Variants in NEB observed in about 807,000 individuals in gnomAD.
The protein encoded by NEB is nebulin.
Under a neutral mutation model 952.2 loss-of-function variants are expected in NEB, and 512 were observed. The ratio of observed to expected loss-of-function variants is 0.54; its 90% CI spans 0.50 to 0.58. The LOEUF is 0.58. Ranked by LOEUF, NEB falls within the 20% of genes least tolerant of loss-of-function variation. The pLI, the probability that NEB is intolerant of heterozygous loss-of-function variation, is 0.00. For synonymous variants in NEB, 2,900 were observed against 3,149.8 expected, an observed-to-expected ratio of 0.92 and a Z score of 2.66; for missense variants, 8,428 against 9,231.1, an observed-to-expected ratio of 0.91 and a Z score of 3.56.
chr2:151,496,207 G>T, intron 173 of NEB, 69 bp downstream of exon 173: 1 of 1,399,708 alleles, frequency 7.1e-7, no homozygotes, highest in Non-Finnish European at 9.9e-7. Context: ...GGATTAATAT[G>T]TATTATTTTA....
intron 142 of NEB, among the ~76,000 whole-genome samples, chr2:151,535,199 A>G (rs1043588313): frequency 2.0e-5 from 3 of 152,238 alleles, no homozygotes; most frequent in South Asian, 2.1e-4. Context: ...TCTGTGCACC[A>G]ATATATGTGG....
At position 151,672,502 on chromosome 2, in the gene NEB, C is replaced by T. The variant is rs534646949; in HGVS notation, c.4166G>A (p.Ser1389Asn). The part of the protein sequence containing the change: ...TSYHTPGDMV[S>N]ITAAKMAQDV... The stretch of plus-strand genomic sequence containing the variant: ...CTGGGCCATCTTTGCAGCTGTGATG[C>T]TAACCATGTCCCCAGGGGTATGGTA... Residue 1389 changes from serine (S) to asparagine (N), a missense_variant, in exon 37 of 182, where the codon AGC becomes AAC. Ser to Asn is a conservative substitution (Grantham distance 46, BLOSUM62 1). Around this residue, in one of 11 missense-constraint regions of NEB, gnomAD observed 2,851 missense variants for 2,791.5 expected, o/e 1.02. Coordinates refer to ENST00000397345, the MANE Select transcript of NEB (RefSeq NM_001164508.2). The T allele has an allele frequency of 3.7e-5, 59 of 1,614,012 alleles. 1 individual carries two copies. The South Asian group carries it at 5.9e-4, about 16-fold the overall frequency.
At chr2:151,690,939 G>A (rs1390943537) in intron 23 of NEB, 114 bp from the exon 24 acceptor site, 1 of 737,510 alleles carries the variant, frequency 1.4e-6, no homozygotes, top group Non-Finnish European at 2.4e-6. Context: ...TGAAAACTTA[G>A]TTGATGCGTT....
At chr2:151,566,317 G>A (rs557685210) in intron 114 of NEB, among the ~76,000 whole-genome samples, 26 of 152,268 alleles carry the variant, frequency 1.7e-4, no homozygotes, top group Middle Eastern at 3.4e-3. Flanking sequence ...TTGCCCTTAC[G>A]CCTTCAAGAA....
At chr2:151,649,426 C>T (rs1324021870) in intron 54 of NEB, among the ~76,000 whole-genome samples, 1 of 152,108 alleles carries the variant, frequency 6.6e-6, no homozygotes, top group South Asian at 2.1e-4. Flanking sequence ...TTCAGATCCT[C>T]CTAAGACCTA....
Position 151,706,892 on chromosome 2 carries a change from C to T in NEB, c.1141G>A (p.Ala381Thr). 1 of 1,600,456 alleles carries T rather than the reference C, an allele frequency of 6.2e-7. No individual in the cohort carries two copies. Residue 381 changes from alanine to threonine, a missense_variant, in exon 13 of 182, where the codon GCC (alanine) becomes ACC (threonine). Ala to Thr is a moderately conservative substitution (Grantham distance 58). Around this residue, in one of 11 missense-constraint regions of NEB, gnomAD observed 2,851 missense variants for 2,791.5 expected, o/e 1.02. Transcript: ENST00000397345. Reference sequence around the variant, plus strand: ...AAAAATATACTTACGTCACTTAGGGCATCTCCTGCTGCCTTCAGCTGCCTA... The same window carrying T: ...AAAAATATACTTACGTCACTTAGGGTATCTCCTGCTGCCTTCAGCTGCCTA... ...QLRQLKAAGD[A>T]LSDKLYKENY... is the part of the protein sequence containing the mutation.
chr2:151,495,630 C>CAGT (rs746606383), intron 173 of NEB, among the ~76,000 whole-genome samples: 34 of 152,060 alleles, frequency 2.2e-4, no homozygotes, highest in Admixed American at 3.9e-4. Flanking sequence ...AAATGGTTTA[C>CAGT]TAAAGTTTGC....
At chr2:151,696,600 T>G in intron 17 of NEB, 37 bp downstream of exon 17, 1 of 1,469,514 alleles carries the variant, frequency 6.8e-7, no homozygotes. Flanking sequence ...ATGTTATCCC[T>G]CATAATTGGG....
At chr2:151,548,798 T>C (rs897032933) in intron 130 of NEB, among the ~76,000 whole-genome samples, 1 of 152,208 alleles carries the variant, frequency 6.6e-6, no homozygotes, top group Non-Finnish European at 1.5e-5. Context: ...ACCAACCATT[T>C]TAACACATCC....
chr2:151,541,457 A>C lies in NEB; in HGVS notation c.20672T>G (p.Leu6891Arg). 6.2e-7 allele frequency: 1 copy of C among 1,611,982 alleles called. No homozygotes were observed. The highest frequency in any genetic ancestry group is 8.5e-7 in the Non-Finnish European group (1 of 1,178,788). Residue 6891 changes from leucine to arginine, a missense_variant, in exon 136 of 182, where the codon CTT (leucine) becomes CGT (arginine). By Grantham distance (102) the Leu-to-Arg change is moderately radical (BLOSUM62 -2). Around this residue, in one of 11 missense-constraint regions of NEB, gnomAD observed 3,374 missense variants for 3,651.5 expected, o/e 0.92. Transcript: ENST00000397345. ...DLLRAKRGQK[L>R]QSQYLYVELA... Reference sequence around the variant, plus strand: ...AACCTCTGAGCTTACCTGACTCTGAAGCTTCTGCCCTCGCTTGGCTCTTAA... The same window carrying C: ...AACCTCTGAGCTTACCTGACTCTGACGCTTCTGCCCTCGCTTGGCTCTTAA...
In NEB at chr2:151,547,680, G is replaced by T. The variant is rs1187325533; in HGVS notation, c.20216C>A (p.Thr6739Asn). Residue 6739 changes from threonine to asparagine, a missense_variant, in exon 132 of 182, where the codon ACC becomes AAC. Coordinates refer to ENST00000397345, the MANE Select transcript of NEB (RefSeq NM_001164508.2). ...CTTCTTGACTTGGCGGATCTCAGGG[G>T]TATCGGGAGTTGTATGGATCTTGTC... ...LKDKIHTTPD[T>N]PEIRQVKKTQ... 2 of 1,613,740 alleles carry T rather than the reference G, an allele frequency of 1.2e-6. No homozygotes were observed. Among genetic ancestry groups the T allele is most frequent in the Admixed American group, 1.7e-5 (1 of 60,010 alleles).
At chr2:151,692,726 T>C (rs1660430841) in intron 20 of NEB, among the ~76,000 whole-genome samples, 1 of 152,186 alleles carries the variant, frequency 6.6e-6, no homozygotes, top group African/African-American at 2.4e-5. Context: ...TCACAGCACT[T>C]TGGGAAGCCA....
intron 3 of NEB, among the ~76,000 whole-genome samples, chr2:151,731,265 C>T (rs1017977870): frequency 1.3e-5 from 2 of 152,176 alleles, no homozygotes; most frequent in African/African-American, 4.8e-5. Flanking sequence ...TTGGCATTAA[C>T]TTGTATGCCA....
chr2:151,610,706 T>A, intron 79 of NEB, 56 bp downstream of exon 79: 1 of 1,581,272 alleles, frequency 6.3e-7, no homozygotes, highest in South Asian at 1.1e-5. Context: ...ATTGTTACGG[T>A]GGAAAAAGCA....
At chr2:151,581,695 A>C in intron 102 of NEB, 108 bp from the exon 103 acceptor site, 1 of 1,309,744 alleles carries the variant, frequency 7.6e-7, no homozygotes, top group Non-Finnish European at 1.0e-6. Context: ...GATGATGAAA[A>C]AAATTTTAAG....
At chr2:151,576,536 T>A (rs1431619087) in intron 105 of NEB, among the ~76,000 whole-genome samples, 182 bp from the exon 106 acceptor site, 85 of 87,170 alleles carry the variant, frequency 9.8e-4, no homozygotes, top group Non-Finnish European at 1.7e-3. Context: ...TTTTTTTTTT[T>A]TTTTTTTTTT....
chr2:151,489,876 G>T, intron 181 of NEB, 95 bp downstream of exon 181: 2 of 853,570 alleles, frequency 2.3e-6, no homozygotes, highest in East Asian at 2.6e-5. Context: ...TAGAAGGTTT[G>T]GTTAAAAAAA....
chr2:151,633,100 T>C (rs1442337607), intron 65 of NEB, among the ~76,000 whole-genome samples: 1 of 152,224 alleles, frequency 6.6e-6, no homozygotes, highest in Non-Finnish European at 1.5e-5. Context: ...GTGCAGGAAA[T>C]GTGCCTCTCA....
chr2:151,562,010 A>C (rs2096095754), intron 121 of NEB, 100 bp downstream of exon 121: 2 of 888,912 alleles, frequency 2.2e-6, no homozygotes, highest in South Asian at 2.9e-5. Context: ...TAGAGCCTAC[A>C]CTGTTACAGC....
Sources: gnomAD v4.1 joint callset for allele counts (sites outside exome capture counted in the v4.1 genomes callset) on GRCh38, gnomAD v4.1.1 for gene constraint, gnomAD v4.1.1 regional missense constraint, MANE v1.5 for transcripts, NCBI Gene and HGNC (gene_info 2026-07-23, HGNC 2026-07-21) for gene names.